TMEM132D: variants seen among roughly 807,000 people sequenced by gnomAD.
TMEM132D encodes mature OL transmembrane protein.
Under a neutral mutation model 62.3 loss-of-function variants are expected in TMEM132D, and 21 were observed. The observed-to-expected ratio is 0.34, with a 90% CI of 0.24 to 0.49. The LOEUF is 0.49. Among genes scored for constraint, TMEM132D ranks in the 20% least tolerant of loss-of-function variants. The pLI is 0.99. For synonymous variants in TMEM132D, 621 were observed against 575.6 expected (o/e 1.08, Z -1.13); for missense variants, 1,346 against 1,402.8 (o/e 0.96, Z 0.65).
chr12:129,412,970 C>T (rs377541408), intron 3 of TMEM132D, among the ~76,000 whole-genome samples: 107 of 152,310 alleles, frequency 7.0e-4, no homozygotes, highest in African/African-American at 2.5e-3. Context: ...CTGAGCAGTC[C>T]TCACCTGGAC....
intron 3 of TMEM132D, among the ~76,000 whole-genome samples, chr12:129,456,604 G>C (rs1048812816): frequency 2.0e-5 from 3 of 152,172 alleles, no homozygotes; most frequent in Non-Finnish European, 2.9e-5. Context: ...ATCTGAGTTT[G>C]TCCCAGAAAA....
chr12:129,295,185 G>A (rs757736947), intron 4 of TMEM132D, among the ~76,000 whole-genome samples: 85 of 152,052 alleles, frequency 5.6e-4, no homozygotes, highest in Non-Finnish European at 7.6e-4. Flanking sequence ...CACAGAAGAC[G>A]ACCACTACGG....
At chr12:129,359,287 A>C (rs1390750770) in intron 3 of TMEM132D, among the ~76,000 whole-genome samples, 2 of 152,158 alleles carry the variant, frequency 1.3e-5, no homozygotes, top group African/African-American at 2.4e-5. Context: ...GTTATTGCTG[A>C]TGGTTACAGA....
At chr12:129,684,262 G>T (rs1360592170) in intron 2 of TMEM132D, among the ~76,000 whole-genome samples, 2 of 152,110 alleles carry the variant, frequency 1.3e-5, no homozygotes, top group Non-Finnish European at 2.9e-5. Context: ...AATCGTGGGG[G>T]TAGTTACTCC....
chr12:129,196,134 G>T (rs1181288813), intron 5 of TMEM132D, among the ~76,000 whole-genome samples: 1 of 146,886 alleles, frequency 6.8e-6, no homozygotes. Flanking sequence ...CTCAAAAAAA[G>T]AAAAAAAAAA....
intron 4 of TMEM132D, among the ~76,000 whole-genome samples, chr12:129,269,466 C>G (rs1468663602): frequency 6.6e-6 from 1 of 151,962 alleles, no homozygotes; most frequent in East Asian, 1.9e-4. Context: ...GAAAGCAGGA[C>G]TTTTGCTAGC....
At chr12:129,254,601 C>T (rs975453206) in intron 4 of TMEM132D, among the ~76,000 whole-genome samples, 2 of 152,024 alleles carry the variant, frequency 1.3e-5, no homozygotes. Context: ...AAGAGCTTAA[C>T]GCCGTGCTTT....
intron 1 of TMEM132D, among the ~76,000 whole-genome samples, chr12:129,855,139 C>G (rs1302276015): frequency 8.1e-6 from 1 of 122,980 alleles, no homozygotes; most frequent in Non-Finnish European, 1.7e-5. Flanking sequence ...TAACAGAGTC[C>G]GGGGGAACGG....
At chr12:129,375,542 C>T (rs1453988295) in intron 3 of TMEM132D, among the ~76,000 whole-genome samples, 1 of 152,166 alleles carries the variant, frequency 6.6e-6, no homozygotes, top group Non-Finnish European at 1.5e-5. Context: ...TTGAGAACTA[C>T]TGGGGTTGTG....
chr12:129,877,904 A>G (rs1007981771), intron 1 of TMEM132D, among the ~76,000 whole-genome samples: 1 of 152,204 alleles, frequency 6.6e-6, no homozygotes, highest in East Asian at 1.9e-4. Context: ...TATATTATAG[A>G]CTGGGGTCAG....
At chr12:129,665,372 G>C (rs1283176287) in intron 2 of TMEM132D, among the ~76,000 whole-genome samples, 1 of 152,298 alleles carries the variant, frequency 6.6e-6, no homozygotes, top group East Asian at 1.9e-4. Context: ...TTTTCAGAGC[G>C]ATGCAAGCAG....
intron 5 of TMEM132D, among the ~76,000 whole-genome samples, chr12:129,122,606 G>A (rs1483931092): frequency 1.3e-5 from 2 of 152,186 alleles, no homozygotes; most frequent in Non-Finnish European, 2.9e-5. Context: ...TCAGAAGCTC[G>A]ATTCCAGAAA....
chr12:129,107,956 G>T lies in TMEM132D; in HGVS notation c.1444-23254C>A, dbSNP rs552657371. Among the ~76,000 whole-genome samples the T allele has an allele frequency of 5.3e-5, 8 of 151,912 alleles. No individual in the cohort carries two copies. The East Asian group carries it at 9.7e-4, about 18-fold the overall frequency. On this transcript the variant is annotated intron_variant, in intron 5 of 8. Coordinates refer to ENST00000422113, the MANE Select transcript of TMEM132D (RefSeq NM_133448.3). ...GATCCTCCTGCCTCAGCCTCCCAAA[G>T]TGCTAGCATTACAGGTGTGAGCCAC...
At chr12:129,895,457 T>C (rs1266581815) in intron 1 of TMEM132D, among the ~76,000 whole-genome samples, 1 of 152,196 alleles carries the variant, frequency 6.6e-6, no homozygotes, top group African/African-American at 2.4e-5. Flanking sequence ...ACAAATGATA[T>C]CTTGTCTCCT....
chr12:129,209,712 C>T (rs1281342000), intron 4 of TMEM132D, 49 bp from the exon 5 acceptor site: 2 of 1,607,438 alleles, frequency 1.2e-6, no homozygotes, highest in Non-Finnish European at 1.7e-6. Flanking sequence ...TGAGACGGCC[C>T]AGTCCCTGGG....
At chr12:129,402,631 C>T (rs879509437) in intron 3 of TMEM132D, among the ~76,000 whole-genome samples, 16 of 152,122 alleles carry the variant, frequency 1.1e-4, no homozygotes, top group Admixed American at 8.5e-4. Context: ...AGTGCAGTGG[C>T]GCAATCAGAG....
intron 4 of TMEM132D, among the ~76,000 whole-genome samples, chr12:129,236,599 A>C (rs1030817667): frequency 7.9e-5 from 12 of 151,984 alleles, no homozygotes; most frequent in Admixed American, 2.6e-4. Context: ...ACATTACTAA[A>C]TTTGTTTATT....
At chr12:129,163,474 G>A (rs1163142138) in intron 5 of TMEM132D, among the ~76,000 whole-genome samples, 1 of 152,164 alleles carries the variant, frequency 6.6e-6, no homozygotes, top group Non-Finnish European at 1.5e-5. Context: ...CTAGATCTGG[G>A]GTTGGGTTTG....
intron 3 of TMEM132D, among the ~76,000 whole-genome samples, chr12:129,473,318 GTTTTTGTTTTT>G (rs1874150751): frequency 1.7e-5 from 1 of 57,760 alleles, no homozygotes; most frequent in South Asian, 7.0e-4. Context: ...AGTGATTTTA[GTTTTTGTTTTT>G]TTTTTTTTTT....
Sources: gnomAD v4.1 joint callset for allele counts (sites outside exome capture counted in the v4.1 genomes callset) on GRCh38, gnomAD v4.1.1 for gene constraint, MANE v1.5 for transcripts, NCBI Gene and HGNC (gene_info 2026-07-23, HGNC 2026-07-21) for gene names.